The following ZC3H14 variants were observed in gnomAD, a reference collection of about 807,000 sequenced individuals.
ZC3H14 encodes the protein zinc finger CCCH domain-containing protein 14.
In ZC3H14, 31 loss-of-function variants were observed where a neutral mutation model predicts 92.4. That is an observed-to-expected ratio of 0.34 (90% CI 0.25 to 0.45). The LOEUF is 0.45. Ranked by LOEUF, ZC3H14 falls within the 20% of genes least tolerant of loss-of-function variation. The probability of loss-of-function intolerance (pLI) is 1.00; values close to 1 mark genes in which losing one functional copy is unlikely to be tolerated. For synonymous variants in ZC3H14, 321 were observed against 300.9 expected (o/e 1.07, Z -0.69); for missense variants, 781 against 897.3 (o/e 0.87, Z 1.66).
chr14:88,589,309 T>C (rs576724278), intron 9 of ZC3H14: 11 of 152,318 alleles, frequency 7.2e-5, no homozygotes, highest in Admixed American at 5.2e-4. Context: ...ATTAAAAATA[T>C]TAAAATTTTG....
intron 12 of ZC3H14, among the ~76,000 whole-genome samples, chr14:88,603,866 T>C (rs886201117): frequency 6.6e-6 from 1 of 152,188 alleles, no homozygotes; most frequent in Non-Finnish European, 1.5e-5. Flanking sequence ...TTCTCGATCA[T>C]TAAAAATAGA....
chr14:88,624,064 AC>A lies in ZC3H14; in HGVS notation c.*12314del, dbSNP rs1476452321. On this transcript the variant is annotated 3_prime_UTR_variant, in exon 17 of 17. Coordinates refer to ENST00000251038, the MANE Select transcript of ZC3H14 (RefSeq NM_024824.5). ...TGTACTTCTTAGTCAACTATATGTC[AC>A]ATTTTTTTTTGTTTTTGTTTTTGTT... The A allele has an allele frequency of 2.0e-5, 3 of 152,082 alleles. No homozygotes were observed. The highest frequency in any genetic ancestry group is 6.6e-5 in the Admixed American group (1 of 15,252). The allele number at this position is 152,082 out of a possible 1,614,324, so 9.4% of individuals were successfully genotyped here.
At chr14:88,588,882 G>A (rs770596848) in intron 9 of ZC3H14, among the ~76,000 whole-genome samples, 2 of 152,080 alleles carry the variant, frequency 1.3e-5, no homozygotes, top group African/African-American at 2.4e-5. Flanking sequence ...TTTTAAAAAT[G>A]TAGGCAAGCA....
chr14:88,602,228 G>T, intron 11 of ZC3H14, 145 bp downstream of exon 11: 3 of 1,075,262 alleles, frequency 2.8e-6, no homozygotes, highest in South Asian at 1.5e-5. Flanking sequence ...TGAATAGTTA[G>T]CCAAATTCAG....
rs188352433 is a variant in ZC3H14 at position 88,570,787 on chromosome 14, A to C, written c.195-297A>C. The stretch of plus-strand genomic sequence containing the variant: ...CTTTTTTAAAAATGTGAAGTTTGAA[A>C]GTTCATACCATTTATTCACTAAATA... On this transcript the variant is annotated intron_variant, in intron 3 of 16. Coordinates refer to ENST00000251038, the MANE Select transcript of ZC3H14 (RefSeq NM_024824.5). Among the ~76,000 whole-genome samples, 328 of 152,268 alleles carry C rather than the reference A, an allele frequency of 2.2e-3. 1 individual carries two copies. Among genetic ancestry groups the C allele is most frequent in the Non-Finnish European group, 3.4e-3 (228 of 68,014 alleles).
intron 2 of ZC3H14, among the ~76,000 whole-genome samples, chr14:88,565,400 C>G (rs2079432655): frequency 6.6e-6 from 1 of 152,140 alleles, no homozygotes; most frequent in Admixed American, 6.6e-5. Flanking sequence ...CTCAGCCTCC[C>G]AAAGTGCTGG....
intron 11 of ZC3H14, among the ~76,000 whole-genome samples, chr14:88,602,332 T>C (rs2084769312): frequency 6.6e-6 from 1 of 152,224 alleles, no homozygotes; most frequent in Non-Finnish European, 1.5e-5. Context: ...AAAGATTCTT[T>C]TCTTTATGCA....
At chr14:88,601,191 G>A (rs1163627320) in intron 10 of ZC3H14, among the ~76,000 whole-genome samples, 1 of 152,038 alleles carries the variant, frequency 6.6e-6, no homozygotes, top group East Asian at 1.9e-4. Context: ...TAGTTGTTCA[G>A]TAAATACTCA....
At chr14:88,607,219 C>T in intron 12 of ZC3H14, 24 bp from the exon 13 acceptor site, 1 of 1,613,908 alleles carries the variant, frequency 6.2e-7, no homozygotes, top group East Asian at 2.2e-5. Context: ...GAATGAAATA[C>T]TTTTATTTCC....
rs371266336 is a variant in ZC3H14, at chr14:88,618,323, A to C, written c.*6572A>C. The C allele has an allele frequency of 6.2e-7, 1 of 1,613,526 alleles. No individual in the cohort carries two copies. The highest frequency in any genetic ancestry group is 8.5e-7 in the Non-Finnish European group (1 of 1,179,754). ...CATAGACATGCCGTTTATAGCAGCCACTAGAGACCTTTTTCATCAGATTAA... is the reference window on the plus strand; with the variant it reads ...CATAGACATGCCGTTTATAGCAGCCCCTAGAGACCTTTTTCATCAGATTAA... On this transcript the variant is annotated 3_prime_UTR_variant, in exon 17 of 17. Coordinates refer to ENST00000251038, the MANE Select transcript of ZC3H14 (RefSeq NM_024824.5).
Position 88,574,861 on chromosome 14 carries a change from G to C in ZC3H14, c.1022+8G>C. On this transcript the variant is annotated splice_region_variant and intron_variant, in intron 7 of 16. Coordinates refer to ENST00000251038, the MANE Select transcript of ZC3H14 (RefSeq NM_024824.5). ...TGCAAAGCCTGAAAGGAGGTACCTT[G>C]AACATGGCTGTAAATTAATCTTTAA... 6.2e-7 allele frequency: 1 copy of C among 1,614,154 alleles called. No homozygotes were observed.
intron 9 of ZC3H14, chr14:88,595,019 A>G (rs1299366277): frequency 3.1e-6 from 5 of 1,613,814 alleles, no homozygotes; most frequent in Non-Finnish European, 4.2e-6. Flanking sequence ...TATGAATGCA[A>G]CAGACAGTTT....
chr14:88,607,187 T>G, intron 12 of ZC3H14, 56 bp from the exon 13 acceptor site: 1 of 1,613,090 alleles, frequency 6.2e-7, no homozygotes, highest in Non-Finnish European at 8.5e-7. Flanking sequence ...TTAAAGGTGC[T>G]GTGTACTGAA....
At chr14:88,581,061 A>G (rs2081852353) in intron 9 of ZC3H14, among the ~76,000 whole-genome samples, 1 of 152,228 alleles carries the variant, frequency 6.6e-6, no homozygotes, top group African/African-American at 2.4e-5. Context: ...TTCTTAGGAA[A>G]TCTAATGGAG....
chr14:88,577,364 A>G (rs1340272905), intron 8 of ZC3H14, among the ~76,000 whole-genome samples: 1 of 152,206 alleles, frequency 6.6e-6, no homozygotes, highest in East Asian at 1.9e-4. Context: ...TGAAACTCAT[A>G]TAAGATCATG....
intron 11 of ZC3H14, 103 bp from the exon 12 acceptor site, chr14:88,602,725 C>A: frequency 7.9e-7 from 1 of 1,264,666 alleles, no homozygotes; most frequent in Non-Finnish European, 1.1e-6. Flanking sequence ...TTGAACCAAA[C>A]GCAAAGCCAA....
intron 10 of ZC3H14, among the ~76,000 whole-genome samples, chr14:88,600,184 C>T (rs1372491559): frequency 2.6e-5 from 4 of 152,204 alleles, no homozygotes; most frequent in African/African-American, 9.7e-5. Context: ...TTCTCTTCCG[C>T]CTGTCTCCCT....
rs2080948504 is a variant in ZC3H14, at chr14:88,574,801, C to T, written c.970C>T (p.Arg324Ter). 4 of 1,614,038 alleles carry T rather than the reference C, an allele frequency of 2.5e-6. No homozygotes were observed. The highest frequency in any genetic ancestry group is 1.7e-5 in the Admixed American group (1 of 60,002). ...EEEEDDDYGS[R>*]TGSISSSVSV... ...GGAAGAAGATGATGATTACGGGTCT[C>T]GAACAGGAAGCATCTCCAGCAGTGT... Residue 324 changes from arginine to a stop codon, truncating the protein, a stop_gained, in exon 7 of 17, where the codon CGA (arginine) becomes TGA (stop). Coordinates refer to ENST00000251038, the MANE Select transcript of ZC3H14 (RefSeq NM_024824.5). LOFTEE classifies it high-confidence loss of function.
Position 88,572,120 on chromosome 14 carries a change from G to A in ZC3H14, c.326G>A (p.Arg109Lys). ...KSNFSRGDER[R>K]HEAAVPPLAI... is the part of the protein sequence containing the mutation. ...AATTTCAGTCGGGGAGATGAGAGGA[G>A]GCATGAAGCTGCAGTGCCACCACTT... The change falls in exon 5 of 17, where the codon AGG becomes AAG. Residue 109 changes from arginine (R) to lysine (K), a missense_variant. By Grantham distance (26) the Arg-to-Lys change is conservative (BLOSUM62 2). Transcript: ENST00000251038. 6.2e-7 allele frequency: 1 copy of A among 1,614,144 alleles called. No homozygotes were observed. The highest frequency in any genetic ancestry group is 8.5e-7 in the Non-Finnish European group (1 of 1,180,038).
Sources: gnomAD v4.1 joint callset for allele counts (sites outside exome capture counted in the v4.1 genomes callset) on GRCh38, gnomAD v4.1.1 for gene constraint, MANE v1.5 for transcripts, NCBI Gene and HGNC (gene_info 2026-07-23, HGNC 2026-07-21) for gene names.